Variants in PIEZO2 observed in about 807,000 individuals in gnomAD.
PIEZO2 encodes the protein piezo-type mechanosensitive ion channel component 2.
PIEZO2 carries 172 observed loss-of-function variants against 337.3 expected under a neutral mutation model. That is an observed-to-expected ratio of 0.51 (90% CI 0.45 to 0.58). The LOEUF (loss-of-function observed/expected upper bound fraction) is 0.58, where lower values mean the gene tolerates loss of function less well. PIEZO2 is among the 20% of genes least tolerant of loss of function. The probability of loss-of-function intolerance (pLI) is 0.00; values close to 1 mark genes in which losing one functional copy is unlikely to be tolerated. For missense variants in PIEZO2, 3,028 were observed against 3,391.3 expected (o/e 0.89, Z 2.66); for synonymous variants, 1,251 against 1,228.5 (o/e 1.02, Z -0.38).
intron 23 of PIEZO2, 74 bp downstream of exon 23, chr18:10,762,426 C>A: frequency 1.4e-6 from 2 of 1,476,720 alleles, no homozygotes; most frequent in Non-Finnish European, 1.8e-6. Flanking sequence ...TGATGTTAAG[C>A]GTCTCATGGA....
At chr18:10,860,012 A>G (rs926916892) in intron 5 of PIEZO2, among the ~76,000 whole-genome samples, 1 of 152,074 alleles carries the variant, frequency 6.6e-6, no homozygotes, top group African/African-American at 2.4e-5. Context: ...ATTTTTGTCT[A>G]GGGAGGACAG....
intron 3 of PIEZO2, among the ~76,000 whole-genome samples, chr18:10,926,700 C>G (rs967221094): frequency 1.3e-5 from 2 of 152,192 alleles, no homozygotes; most frequent in Non-Finnish European, 1.5e-5. Flanking sequence ...CCATTTTCTG[C>G]ACACTTGGCA....
At chr18:11,093,947 C>A (rs935203879) in intron 1 of PIEZO2, among the ~76,000 whole-genome samples, 2 of 151,342 alleles carry the variant, frequency 1.3e-5, no homozygotes, top group African/African-American at 2.4e-5. Context: ...AAATTATTCA[C>A]GTTTTCAACT....
chr18:11,033,396 G>T lies in PIEZO2; in HGVS notation c.160+32731C>A, dbSNP rs575736834. On this transcript the variant is annotated intron_variant, in intron 2 of 55. Coordinates refer to ENST00000674853, the MANE Select transcript of PIEZO2 (RefSeq NM_001378183.1). The surrounding 1 kb of genome is among the most constrained non-coding windows in gnomAD (Gnocchi z 4.2). ...TCTCCTGCCCACCTAAGGCAGACAC[G>T]CCCCTGGATTTGTGTGAACATTCTA... 6.6e-6 allele frequency among the ~76,000 whole-genome samples: 1 copy of T among 152,306 alleles called. No homozygotes were observed. The highest frequency in any genetic ancestry group is 1.9e-4 in the East Asian group (1 of 5,178).
intron 4 of PIEZO2, chr18:10,890,710 T>G (rs1401073646): frequency 6.6e-6 from 1 of 151,664 alleles, no homozygotes; most frequent in Admixed American, 6.6e-5. Flanking sequence ...CCATGACACA[T>G]GGGGATTATG....
chr18:11,109,710 T>C lies in PIEZO2; in HGVS notation c.64+38815A>G, dbSNP rs888615565. 6.6e-6 allele frequency among the ~76,000 whole-genome samples: 1 copy of C among 151,274 alleles called. No homozygotes were observed. The highest frequency in any genetic ancestry group is 1.5e-5 in the Non-Finnish European group (1 of 67,810). ...TCCAGCCTGGAAGACAGAGTGAGAC[T>C]CCATCTCAAAAAAAAAAGGTACTAG... On this transcript the variant is annotated intron_variant, in intron 1 of 55. Transcript: ENST00000674853. The surrounding 1 kb of genome is among the most constrained non-coding windows in gnomAD (Gnocchi z 5.1).
Position 10,848,179 on chromosome 18 carries a change from G to T in PIEZO2, c.917+7174C>A, listed in dbSNP as rs77081648. On this transcript the variant is annotated intron_variant, in intron 7 of 55. Transcript: ENST00000674853. Reference sequence around the variant, plus strand: ...CAAGACCGCGGCAGACCTAACAGAAGAGCTGACTGCATTCTTTCATTTTCT... The same window carrying T: ...CAAGACCGCGGCAGACCTAACAGAATAGCTGACTGCATTCTTTCATTTTCT... 9.9e-4 allele frequency among the ~76,000 whole-genome samples: 151 copies of T among 152,344 alleles called. 3 individuals carry two copies. In the East Asian group the frequency reaches 0.023, roughly 23 times the overall value.
intron 3 of PIEZO2, among the ~76,000 whole-genome samples, chr18:10,928,414 C>T (rs1490511662): frequency 6.6e-6 from 1 of 152,210 alleles, no homozygotes; most frequent in Non-Finnish European, 1.5e-5. Flanking sequence ...GACAGGCACG[C>T]TTGATTTGTT....
chr18:10,762,896 A>G, intron 22 of PIEZO2, 26 bp downstream of exon 22: 1 of 1,533,336 alleles, frequency 6.5e-7, no homozygotes, highest in South Asian at 1.2e-5. Context: ...GGCAGTCAGG[A>G]ATATTCCCCC....
chr18:10,948,609 T>C (rs2033145560), intron 3 of PIEZO2, among the ~76,000 whole-genome samples: 1 of 152,188 alleles, frequency 6.6e-6, no homozygotes, highest in Middle Eastern at 3.2e-3. Flanking sequence ...ACTTTGGCGA[T>C]AGAGATACGC....
In PIEZO2 at chr18:10,673,749, T is replaced by TA. The variant is rs2033878370; in HGVS notation, c.8162-877dup. 6.6e-6 allele frequency among the ~76,000 whole-genome samples: 1 copy of TA among 152,172 alleles called. No individual in the cohort carries two copies. Among genetic ancestry groups the TA allele is most frequent in the Admixed American group, 6.5e-5 (1 of 15,272 alleles). ...AGAAACATGGTGGTGAACTATAAAC[T>TA]AAACTGTGTGAAGGTGGGAGCAACA... On this transcript the variant is annotated intron_variant, in intron 54 of 55. Transcript: ENST00000674853. The surrounding 1 kb of genome is among the most constrained non-coding windows in gnomAD (Gnocchi z 4.8).
Position 10,750,140 on chromosome 18 carries a change from C to A in PIEZO2, c.4215G>T (p.Trp1405Cys). 6.5e-7 allele frequency: 1 copy of A among 1,537,170 alleles called. No individual in the cohort carries two copies. The highest frequency in any genetic ancestry group is 8.7e-7 in the Non-Finnish European group (1 of 1,146,860). The change falls in exon 29 of 56, where the codon TGG (tryptophan) becomes TGT (cysteine). Residue 1405 changes from tryptophan to cysteine, a missense_variant. Physicochemically the swap from Trp to Cys is radical, Grantham distance 215. Transcript: ENST00000674853. The surrounding 1 kb of genome is among the most constrained non-coding windows in gnomAD (Gnocchi z 4.1). ...YIGTLVHNSCWLIQAFSLACT... is the reference protein window; with the variant it reads ...YIGTLVHNSCCLIQAFSLACT... Reference sequence around the variant, plus strand: ...AGGCCAGGCTGAAAGCCTGGATCAACCAACAACTATTGTGCACCAATGTTC... The same window carrying A: ...AGGCCAGGCTGAAAGCCTGGATCAAACAACAACTATTGTGCACCAATGTTC...
intron 2 of PIEZO2, among the ~76,000 whole-genome samples, chr18:11,060,379 C>G (rs1243660399): frequency 6.6e-6 from 1 of 152,110 alleles, no homozygotes; most frequent in African/African-American, 2.4e-5. Context: ...CATTCAAAAG[C>G]TAGCAGAAGG....
At chr18:10,721,340 C>T (rs2143959717) in intron 36 of PIEZO2, among the ~76,000 whole-genome samples, 1 of 152,332 alleles carries the variant, frequency 6.6e-6, no homozygotes, top group Non-Finnish European at 1.5e-5. Flanking sequence ...CCATGTGCTT[C>T]ATCTATCTGG....
intron 15 of PIEZO2, 23 bp downstream of exon 15, chr18:10,789,056 A>T: frequency 6.6e-7 from 1 of 1,521,138 alleles, no homozygotes; most frequent in Non-Finnish European, 8.8e-7. Context: ...TGTGAGAATT[A>T]AAATGGTCAA....
At chr18:10,702,725 G>A (rs114457479) in intron 42 of PIEZO2, among the ~76,000 whole-genome samples, 2,257 of 152,298 alleles carry the variant, frequency 0.015, 55 homozygotes, top group African/African-American at 0.052. Context: ...CTGGTGCGTA[G>A]CAGGGTTCTT....
intron 27 of PIEZO2, among the ~76,000 whole-genome samples, chr18:10,757,597 A>G (rs1004316695): frequency 2.0e-5 from 3 of 149,326 alleles, no homozygotes; most frequent in Non-Finnish European, 4.4e-5. Context: ...GATAAGGAAG[A>G]AAGATGGGGG....
intron 27 of PIEZO2, among the ~76,000 whole-genome samples, chr18:10,753,316 T>A (rs139111993): frequency 1.6e-4 from 24 of 152,358 alleles, no homozygotes; most frequent in East Asian, 5.8e-4. Flanking sequence ...GAGGTGGAAA[T>A]CTTTCCCTAC....
intron 4 of PIEZO2, among the ~76,000 whole-genome samples, chr18:10,904,211 C>T (rs2043119205): frequency 1.3e-5 from 2 of 152,152 alleles, no homozygotes; most frequent in South Asian, 4.1e-4. Flanking sequence ...TTCCCATCAT[C>T]CCTAGCACCC....
Sources: gnomAD v4.1 joint callset for allele counts (sites outside exome capture counted in the v4.1 genomes callset) on GRCh38, gnomAD v4.1.1 for gene constraint, Gnocchi (gnomAD v3.1) non-coding constraint, MANE v1.5 for transcripts, NCBI Gene and HGNC (gene_info 2026-07-23, HGNC 2026-07-21) for gene names.